The following DLGAP2 variants were observed in gnomAD, a reference collection of about 807,000 sequenced individuals.
DLGAP2 encodes disks large-associated protein 2.
A neutral mutation model predicts 100.3 loss-of-function variants in DLGAP2; 26 were observed. The ratio of observed to expected loss-of-function variants is 0.26; its 90% CI spans 0.19 to 0.36. DLGAP2 has a LOEUF of 0.36. DLGAP2 is among the 10% of genes least tolerant of loss of function. DLGAP2 has a pLI of 1.00. For synonymous variants in DLGAP2, 886 were observed against 630.1 expected, an observed-to-expected ratio of 1.41 and a Z score of -6.08; for missense variants, 1,858 against 1,453.2, an observed-to-expected ratio of 1.28 and a Z score of -4.53.
chr8:1,107,934 C>T (rs992506001), intron 2 of DLGAP2, among the ~76,000 whole-genome samples: 26 of 152,168 alleles, frequency 1.7e-4, no homozygotes, highest in Non-Finnish European at 2.2e-4. Flanking sequence ...GTGCACAGAA[C>T]GTAACCCTGG....
intron 2 of DLGAP2, among the ~76,000 whole-genome samples, chr8:1,112,997 T>G (rs1805008221): frequency 6.6e-6 from 1 of 152,216 alleles, no homozygotes; most frequent in African/African-American, 2.4e-5. Context: ...CAGCTTTGTC[T>G]AAGATCAGAT....
intron 2 of DLGAP2, among the ~76,000 whole-genome samples, chr8:1,087,967 T>C (rs1291027650): frequency 6.6e-6 from 1 of 152,246 alleles, no homozygotes; most frequent in Non-Finnish European, 1.5e-5. Flanking sequence ...TCCTGGGCTA[T>C]GTGGCCTCCT....
intron 6 of DLGAP2, among the ~76,000 whole-genome samples, chr8:1,597,923 G>A (rs2130694232): frequency 6.6e-6 from 1 of 152,190 alleles, no homozygotes; most frequent in East Asian, 1.9e-4. Context: ...GGAATGGTGA[G>A]ACAGGGCATC....
intron 3 of DLGAP2, among the ~76,000 whole-genome samples, chr8:1,477,603 T>C (rs1207121225): frequency 6.6e-6 from 1 of 152,176 alleles, no homozygotes; most frequent in African/African-American, 2.4e-5. Flanking sequence ...TCCTCACAGC[T>C]CACCTGTCTG....
rs1358256203 is a variant in DLGAP2 at position 973,369 on chromosome 8, G to A, written c.73+65403G>A. ...TCACTTCCCAGACGGGGTGGCTGCC[G>A]GGCGGAGGGGCTCCTCACTTCTCAG... On this transcript the variant is annotated intron_variant, in intron 2 of 14. Coordinates refer to ENST00000637795, the MANE Select transcript of DLGAP2 (RefSeq NM_001346810.2). Among the ~76,000 whole-genome samples the A allele has an allele frequency of 6.7e-3, 1,023 of 151,810 alleles. 9 individuals carry two copies. Among genetic ancestry groups the A allele is most frequent in the African/African-American group, 0.023 (950 of 41,400 alleles).
At chr8:920,283 G>C (rs924201503) in intron 2 of DLGAP2, among the ~76,000 whole-genome samples, 1 of 152,242 alleles carries the variant, frequency 6.6e-6, no homozygotes, top group African/African-American at 2.4e-5. Flanking sequence ...CAGCAGGACA[G>C]CAGGTGTGTG....
intron 3 of DLGAP2, among the ~76,000 whole-genome samples, chr8:1,470,696 G>T (rs1798755470): frequency 6.6e-6 from 1 of 152,016 alleles, no homozygotes. Flanking sequence ...AGCTCCACGT[G>T]GATATTCCAT....
chr8:1,684,651 A>G (rs373496883), intron 12 of DLGAP2, among the ~76,000 whole-genome samples: 4 of 152,266 alleles, frequency 2.6e-5, no homozygotes, highest in East Asian at 3.9e-4. Context: ...TGGTCTGCAT[A>G]AAGTCACATT....
At chr8:923,106 A>G (rs1463587778) in intron 2 of DLGAP2, among the ~76,000 whole-genome samples, 1 of 152,226 alleles carries the variant, frequency 6.6e-6, no homozygotes, top group Non-Finnish European at 1.5e-5. Flanking sequence ...GCAGCAAGTT[A>G]CTACGGAACA....
intron 1 of DLGAP2, among the ~76,000 whole-genome samples, chr8:743,203 C>A (rs76359618): frequency 0.016 from 2,495 of 152,276 alleles, 70 homozygotes; most frequent in African/African-American, 0.058. Flanking sequence ...GGAAGAAACA[C>A]ATGTGATAAC....
At chr8:1,094,055 G>A (rs1274703602) in intron 2 of DLGAP2, among the ~76,000 whole-genome samples, 1 of 151,844 alleles carries the variant, frequency 6.6e-6, no homozygotes, top group East Asian at 1.9e-4. Context: ...GCTCCGCGGT[G>A]GAGGGAGGGC....
intron 3 of DLGAP2, among the ~76,000 whole-genome samples, chr8:1,477,718 A>G (rs1442970787): frequency 2.0e-5 from 3 of 152,102 alleles, no homozygotes; most frequent in African/African-American, 7.2e-5. Context: ...ATGTTTAAAC[A>G]TATGGATTAT....
chr8:841,154 G>A (rs1796976788), intron 1 of DLGAP2, among the ~76,000 whole-genome samples: 1 of 152,150 alleles, frequency 6.6e-6, no homozygotes, highest in Non-Finnish European at 1.5e-5. Context: ...ATATGGAAAA[G>A]GCAAGATAAA....
intron 3 of DLGAP2, among the ~76,000 whole-genome samples, chr8:1,343,524 C>T (rs1251299003): frequency 6.6e-6 from 1 of 152,194 alleles, no homozygotes; most frequent in Non-Finnish European, 1.5e-5. Flanking sequence ...TAAGCAAAGA[C>T]TCTCTCAGGC....
chr8:1,319,404 C>G (rs558063292), intron 3 of DLGAP2, among the ~76,000 whole-genome samples: 4 of 152,164 alleles, frequency 2.6e-5, no homozygotes, highest in Non-Finnish European at 5.9e-5. Context: ...TGGCAGGATT[C>G]TAGGAAATGA....
intron 2 of DLGAP2, among the ~76,000 whole-genome samples, chr8:1,233,834 AT>A (rs1386576516): frequency 6.6e-6 from 1 of 152,186 alleles, no homozygotes; most frequent in African/African-American, 2.4e-5. Flanking sequence ...GGAAAGAGTT[AT>A]TTTAATCCGT....
chr8:791,584 G>A (rs1048487734), intron 1 of DLGAP2, among the ~76,000 whole-genome samples: 3 of 152,088 alleles, frequency 2.0e-5, no homozygotes, highest in Admixed American at 6.6e-5. Flanking sequence ...CCCACATTTC[G>A]ATTCTAACAT....
chr8:1,155,943 C>A (rs578004414), intron 2 of DLGAP2, among the ~76,000 whole-genome samples: 54 of 152,292 alleles, frequency 3.5e-4, no homozygotes, highest in African/African-American at 1.2e-3. Flanking sequence ...CTCGGGGAGG[C>A]TGGGTGGGCG....
At position 1,180,598 on chromosome 8, in the gene DLGAP2, T is replaced by G. The variant is rs55895428; in HGVS notation, c.74-78253T>G. Among the ~76,000 whole-genome samples the G allele has an allele frequency of 1.7e-3, 250 of 145,038 alleles. 1 individual carries two copies. Among genetic ancestry groups the G allele is most frequent in the Non-Finnish European group, 3.1e-3 (207 of 66,100 alleles). On this transcript the variant is annotated intron_variant, in intron 2 of 14. Transcript: ENST00000637795. Reference sequence around the variant, plus strand: ...TGCAATGGCAGCACACTGTCGAGTGTGTGTGGGTGTGTGAGGGCAGCACAC... The same window carrying G: ...TGCAATGGCAGCACACTGTCGAGTGGGTGTGGGTGTGTGAGGGCAGCACAC...
Sources: allele counts gnomAD v4.1 joint callset (sites outside exome capture counted in the v4.1 genomes callset), GRCh38; gene constraint gnomAD v4.1.1; transcripts MANE v1.5; gene names NCBI Gene and HGNC (gene_info 2026-07-23, HGNC 2026-07-21).